KCNMB3: variants seen among roughly 807,000 people sequenced by gnomAD.
The protein encoded by KCNMB3 is potassium calcium-activated channel subfamily M regulatory beta subunit 3, also known as calcium-activated potassium channel subunit beta-3.
A neutral mutation model predicts 11.9 loss-of-function variants in KCNMB3; 18 were observed. The ratio of observed to expected loss-of-function variants is 1.51; its 90% CI spans 1.04 to 2.23. KCNMB3 has a LOEUF of 2.23. Among genes scored for constraint, KCNMB3 ranks in the 30% most tolerant of loss-of-function variants. KCNMB3 has a pLI of 0.00. For missense variants in KCNMB3, 247 were observed against 329.4 expected (o/e 0.75, Z 1.94); for synonymous variants, 78 against 119.2 (o/e 0.65, Z 2.25).
At chr3:179,256,043 G>A (rs1260181331), upstream of KCNMB3, among the ~76,000 whole-genome samples, 7 of 152,274 alleles carry the variant, frequency 4.6e-5, no homozygotes, top group East Asian at 1.3e-3. Flanking sequence ...AAGGAAAAGG[G>A]TCAAGTATTT....
chr3:179,251,761 A>T, upstream of KCNMB3: 1 of 572,524 alleles, frequency 1.7e-6, no homozygotes, highest in Non-Finnish European at 2.6e-6. Flanking sequence ...GGAACCTCGC[A>T]CTGTTGCCCA....
At position 179,251,039 on chromosome 3, in the gene KCNMB3, T is replaced by G; in HGVS notation, c.-49A>C. The G allele has an allele frequency of 3.1e-6, 5 of 1,614,212 alleles. No individual in the cohort carries two copies. The highest frequency in any genetic ancestry group is 4.2e-6 in the Non-Finnish European group (5 of 1,180,036). Reference sequence around the variant, plus strand: ...GATAATCTCATTTGCTGCCTACCTGTGTCTCGTGAGCAGGATGAATGCAAC... The same window carrying G: ...GATAATCTCATTTGCTGCCTACCTGGGTCTCGTGAGCAGGATGAATGCAAC... On this transcript the variant is annotated 5_prime_UTR_variant, in exon 1 of 3. Coordinates refer to ENST00000392685, the MANE Select transcript of KCNMB3 (RefSeq NM_171830.2).
chr3:179,249,651 G>GACT (rs1725766112), intron 1 of KCNMB3, among the ~76,000 whole-genome samples: 1 of 152,160 alleles, frequency 6.6e-6, no homozygotes, highest in African/African-American at 2.4e-5. Context: ...CCAGCCTGGC[G>GACT]ACAGAGCAAG....
At chr3:179,240,836 C>CA (rs1343053453), downstream of KCNMB3, 1 of 152,032 alleles carries the variant, frequency 6.6e-6, no homozygotes, top group Non-Finnish European at 1.5e-5. Flanking sequence ...GTCAAATTTA[C>CA]AAAAACGGAA....
At chr3:179,240,060 T>G (rs1485780707), downstream of KCNMB3, 1 of 1,539,768 alleles carries the variant, frequency 6.5e-7, no homozygotes, top group East Asian at 2.5e-5. Context: ...GTCTGTAACA[T>G]CACGCTGTTT....
At chr3:179,255,246 CA>C (rs906335581), upstream of KCNMB3, among the ~76,000 whole-genome samples, 1 of 147,894 alleles carries the variant, frequency 6.8e-6, no homozygotes, top group Non-Finnish European at 1.5e-5. Flanking sequence ...CGTTTGAGTG[CA>C]AAAAAAATAG....
chr3:179,261,583 A>G (rs1726218449), intron 1 of KCNMB3, among the ~76,000 whole-genome samples: 1 of 146,922 alleles, frequency 6.8e-6, no homozygotes, highest in Admixed American at 6.7e-5. Context: ...CCCGCCCCAC[A>G]CTTGCAATTT....
chr3:179,245,024 G>C (rs1055119949), intron 1 of KCNMB3, among the ~76,000 whole-genome samples: 2 of 152,188 alleles, frequency 1.3e-5, no homozygotes, highest in African/African-American at 2.4e-5. Context: ...GTGGATTCCA[G>C]GGCTTCATTC....
At chr3:179,260,308 C>G in intron 1 of KCNMB3, 3 of 1,613,976 alleles carry the variant, frequency 1.9e-6, no homozygotes, top group Non-Finnish European at 2.5e-6. Context: ...GGGAGAGAAG[C>G]GCTCTCAAGA....
chr3:179,245,516 G>GGC (rs1275420588), intron 1 of KCNMB3, among the ~76,000 whole-genome samples: 2 of 140,276 alleles, frequency 1.4e-5, no homozygotes, highest in African/African-American at 6.1e-5. Context: ...AATTTTTTTG[G>GGC]GGGGGGGGAT....
chr3:179,254,851 T>C (rs920276698), upstream of KCNMB3, among the ~76,000 whole-genome samples: 1 of 151,920 alleles, frequency 6.6e-6, no homozygotes, highest in Admixed American at 6.6e-5. Context: ...AAGGAGTATA[T>C]GCACTCATTT....
At chr3:179,251,739 T>A, upstream of KCNMB3, 2 of 929,654 alleles carry the variant, frequency 2.2e-6, no homozygotes, top group Admixed American at 4.1e-5. Flanking sequence ...GTTTTTTGGT[T>A]TTTTTTGAGA....
At chr3:179,260,276 C>A (rs1255878679) in intron 1 of KCNMB3, 2 of 1,613,966 alleles carry the variant, frequency 1.2e-6, no homozygotes, top group Admixed American at 3.3e-5. Flanking sequence ...CCTCATTTGA[C>A]TCAACCTGTG....
In KCNMB3 at chr3:179,246,939, T is replaced by C. The variant is rs6770353; in HGVS notation, c.249-2246A>G. Among the ~76,000 whole-genome samples the C allele has an allele frequency of 5.9e-3, 896 of 152,306 alleles. 12 individuals carry two copies. The highest frequency in any genetic ancestry group is 0.021 in the African/African-American group (866 of 41,570). On this transcript the variant is annotated intron_variant, in intron 1 of 2. Coordinates refer to ENST00000392685, the MANE Select transcript of KCNMB3 (RefSeq NM_171830.2). ...CATGTTCCTTCAATAGCATCGGGTG[T>C]GTATTTGGCTACAGCTGTGACAAAA...
chr3:179,251,999 C>T (rs774642139), upstream of KCNMB3, among the ~76,000 whole-genome samples: 12 of 152,144 alleles, frequency 7.9e-5, no homozygotes, highest in Non-Finnish European at 1.6e-4. Flanking sequence ...GGATTACAGG[C>T]GTGAGCCACT....
Position 179,260,185 on chromosome 3 carries a change from T to A in KCNMB3, c.62+6464A>T, listed in dbSNP as rs566290586. 1.2e-6 allele frequency: 2 copies of A among 1,613,196 alleles called. 1 individual carries two copies. Among genetic ancestry groups the A allele is most frequent in the East Asian group, 4.5e-5 (2 of 44,872 alleles). ...ACCGCTGCCTCTCCCACATTCTCTG[T>A]GTGGCTCCCACCATCTAAGTCACTC... On this transcript the variant is annotated intron_variant, in intron 1 of 3. Transcript: ENST00000349697.
At chr3:179,253,421 T>C (rs931629797), upstream of KCNMB3, among the ~76,000 whole-genome samples, 1 of 152,250 alleles carries the variant, frequency 6.6e-6, no homozygotes, top group Non-Finnish European at 1.5e-5. Context: ...CAAGGCTTTA[T>C]GAAAAGTTGA....
downstream of KCNMB3, chr3:179,242,608 A>G (rs1271976154): frequency 3.6e-6 from 1 of 275,074 alleles, no homozygotes; most frequent in African/African-American, 2.3e-5. Context: ...GACTGGTTCT[A>G]GCTAGAGCTG....
At chr3:179,250,632 C>T in intron 1 of KCNMB3, 111 bp downstream of exon 1, 2 of 1,102,400 alleles carry the variant, frequency 1.8e-6, no homozygotes, top group Admixed American at 2.1e-5. Flanking sequence ...TTTTCTAGAC[C>T]ATGGCAGAGA....
Sources: allele counts gnomAD v4.1 joint callset (sites outside exome capture counted in the v4.1 genomes callset), GRCh38; gene constraint gnomAD v4.1.1; transcripts MANE v1.5; gene names NCBI Gene and HGNC (gene_info 2026-07-23, HGNC 2026-07-21).